VMAC: variants seen among roughly 807,000 people sequenced by gnomAD.
VMAC encodes the protein vimentin-type intermediate filament-associated coiled-coil protein.
A neutral mutation model predicts 4.8 loss-of-function variants in VMAC; 8 were observed. The ratio of observed to expected loss-of-function variants is 1.68; its 90% CI spans 0.99 to 3.03. The LOEUF (loss-of-function observed/expected upper bound fraction) is 3.03. Ranked by LOEUF, VMAC falls within the 30% of genes most tolerant of loss-of-function variation. The probability of loss-of-function intolerance (pLI) is 0.00; values close to 1 mark genes in which losing one functional copy is unlikely to be tolerated. For synonymous variants in VMAC, 96 were observed against 113.7 expected (o/e 0.84, Z 0.99); for missense variants, 248 against 245.1 (o/e 1.01, Z -0.08).
In VMAC at chr19:5,910,728, G is replaced by A. The variant is rs1284797372; in HGVS notation, c.*1586G>A. The A allele has an allele frequency of 6.6e-6, 1 of 150,726 alleles. No homozygotes were observed. The highest frequency in any genetic ancestry group is 1.5e-5 in the Non-Finnish European group (1 of 67,744). The allele number at this position is 150,726 out of a possible 1,614,324, so 9.3% of individuals were successfully genotyped here. A position where few individuals can be genotyped will look rare whatever the true frequency, so the allele number is the denominator to read the frequency against. ...AACAACAACAAACAGAGGCCCAGAG[G>A]TGTGAAGGGAACACACTCCGGGTCT... On this transcript the variant is annotated 3_prime_UTR_variant, in exon 2 of 2. Coordinates refer to ENST00000339485, the MANE Select transcript of VMAC (RefSeq NM_001017921.4).
At position 5,908,839 on chromosome 19, in the gene VMAC, C is replaced by G. The variant is rs116353040; in HGVS notation, c.207C>G (p.Leu69=). Residue 69 remains leucine (L), a synonymous_variant, in exon 2 of 2, where the codon CTC becomes CTG. Transcript: ENST00000339485. The surrounding 1 kb of genome is among the most constrained non-coding windows in gnomAD (Gnocchi z 4.5). ...TTCCTGCCAGTGAGATTGCCACACTCCAGGAGCAGCTGATGACCTCAGAAG... is the reference window on the plus strand; with the variant it reads ...TTCCTGCCAGTGAGATTGCCACACTGCAGGAGCAGCTGATGACCTCAGAAG... ...GRAKDREIAT[L]QEQLMTSEAT... The G allele has an allele frequency of 5.6e-6, 9 of 1,613,636 alleles. No homozygotes were observed. Among genetic ancestry groups the G allele is most frequent in the Non-Finnish European group, 7.6e-6 (9 of 1,179,952 alleles).
chr19:5,906,342 G>A (rs1199894924), intron 1 of VMAC, among the ~76,000 whole-genome samples: 2 of 152,238 alleles, frequency 1.3e-5, no homozygotes, highest in Non-Finnish European at 1.5e-5. Flanking sequence ...AGGGAGGTGG[G>A]AGGAGCTGGG....
intron 1 of VMAC, among the ~76,000 whole-genome samples, chr19:5,905,576 C>T (rs1401891203): frequency 6.6e-6 from 1 of 152,042 alleles, no homozygotes. Flanking sequence ...CCCGCCACCA[C>T]GCCCGGTCGA....
intron 1 of VMAC, among the ~76,000 whole-genome samples, chr19:5,907,356 A>G (rs142550011): frequency 1.3e-5 from 2 of 152,106 alleles, no homozygotes; most frequent in African/African-American, 4.8e-5. Context: ...TTTCCACCCA[A>G]ATGTCAGCTT....
Position 5,908,944 on chromosome 19 carries a change from G to A in VMAC, c.312G>A (p.Leu104=), listed in dbSNP as rs749266064. The A allele has an allele frequency of 5.7e-5, 92 of 1,613,494 alleles. No homozygotes were observed. The highest frequency in any genetic ancestry group is 7.6e-5 in the Non-Finnish European group (90 of 1,179,908). ...AGTTGCAGCCCCGGGCTGAGCTGCTGCAGGACATCTGCCGCCGCCGGCCAC... is the reference window on the plus strand; with the variant it reads ...AGTTGCAGCCCCGGGCTGAGCTGCTACAGGACATCTGCCGCCGCCGGCCAC... ...IRQLQPRAEL[L]QDICRRRPPL... is the part of the protein sequence containing the mutation. The change falls in exon 2 of 2, where the codon CTG becomes CTA. Residue 104 remains leucine (L), a synonymous_variant. Coordinates refer to ENST00000339485, the MANE Select transcript of VMAC (RefSeq NM_001017921.4). This position sits in a 1 kb window ranked among gnomAD's most constrained non-coding sequence, Gnocchi z 4.5.
At position 5,909,484 on chromosome 19, in the gene VMAC, G is replaced by T. The variant is rs1011618775; in HGVS notation, c.*342G>T. 108 of 184,848 alleles carry T rather than the reference G, an allele frequency of 5.8e-4. 2 individuals are homozygous for T. The East Asian group carries it at 0.013, about 22-fold the overall frequency. The allele number at this position is 184,848 out of a possible 1,614,324, so 11.5% of individuals were successfully genotyped here. ...GCCAGGGTGTGAGTTTCTGTTTTTT[G>T]TTTTTTTTTTTTTAAGACAGAGTCC... On this transcript the variant is annotated 3_prime_UTR_variant, in exon 2 of 2. Transcript: ENST00000339485.
intron 1 of VMAC, among the ~76,000 whole-genome samples, chr19:5,905,525 T>C (rs1244763593): frequency 4.6e-5 from 7 of 152,212 alleles, no homozygotes; most frequent in Non-Finnish European, 7.3e-5. Flanking sequence ...ATTCAAGCGA[T>C]TCTCCTGCCT....
At chr19:5,907,354 C>A (rs1428019148) in intron 1 of VMAC, among the ~76,000 whole-genome samples, 1 of 151,932 alleles carries the variant, frequency 6.6e-6, no homozygotes, top group Non-Finnish European at 1.5e-5. Context: ...TGTTTCCACC[C>A]AAATGTCAGC....
intron 1 of VMAC, among the ~76,000 whole-genome samples, chr19:5,905,568 C>G (rs532921128): frequency 1.3e-5 from 2 of 152,066 alleles, no homozygotes; most frequent in African/African-American, 2.4e-5. Context: ...TACAGGCGCC[C>G]GCCACCACGC....
At position 5,908,901 on chromosome 19, in the gene VMAC, G is replaced by T. The variant is rs1477652777; in HGVS notation, c.269G>T (p.Arg90Met). 7.4e-6 allele frequency: 12 copies of T among 1,613,968 alleles called. No homozygotes were observed. Among genetic ancestry groups the T allele is most frequent in the Non-Finnish European group, 9.3e-6 (11 of 1,179,988 alleles). The change falls in exon 2 of 2, where the codon AGG becomes ATG. Residue 90 changes from arginine to methionine, a missense_variant. Arg to Met is a moderately conservative substitution (Grantham distance 91). Coordinates refer to ENST00000339485, the MANE Select transcript of VMAC (RefSeq NM_001017921.4). This position sits in a 1 kb window ranked among gnomAD's most constrained non-coding sequence, Gnocchi z 4.5. ...AGCCTGCAGGCCACCGTGCACCAGA[G>T]GGACGAGCTCATTAGGCAGTTGCAG... ...VHSLQATVHQ[R>M]DELIRQLQPR...
intron 1 of VMAC, among the ~76,000 whole-genome samples, chr19:5,907,821 T>C (rs1424721711): frequency 2.0e-5 from 3 of 151,640 alleles, no homozygotes; most frequent in Admixed American, 6.6e-5. Context: ...TTATAAGGGA[T>C]TCCCCCTTTG....
At position 5,909,355 on chromosome 19, in the gene VMAC, T is replaced by A; in HGVS notation, c.*213T>A. 1.9e-6 allele frequency: 1 copy of A among 527,010 alleles called. No individual in the cohort carries two copies. The highest frequency in any genetic ancestry group is 3.2e-6 in the Non-Finnish European group (1 of 309,306). 32.6% of individuals were successfully genotyped at this position (527,010 alleles called of 1,614,324 possible). A position where few individuals can be genotyped will look rare whatever the true frequency, so the allele number is the denominator to read the frequency against. ...AAGTGTTCTTGTTTGTTTTTAAGCT[T>A]TGAATCAGTCACCCTTGCTAAAAAC... On this transcript the variant is annotated 3_prime_UTR_variant, in exon 2 of 2. Transcript: ENST00000339485.
At chr19:5,905,387 G>A (rs2057674896) in intron 1 of VMAC, among the ~76,000 whole-genome samples, 1 of 152,180 alleles carries the variant, frequency 6.6e-6, no homozygotes, top group Non-Finnish European at 1.5e-5. Flanking sequence ...AGCAGGGGAG[G>A]AGGGGATCAT....
chr19:5,907,090 G>A (rs1334887234), intron 1 of VMAC, among the ~76,000 whole-genome samples: 2 of 152,166 alleles, frequency 1.3e-5, no homozygotes, highest in Admixed American at 6.5e-5. Context: ...GTTTCTCAGC[G>A]TTCTGGAGGC....
In VMAC at chr19:5,909,117, C is replaced by G. The variant is rs1304009179; in HGVS notation, c.485C>G (p.Pro162Arg). 1.3e-6 allele frequency: 2 copies of G among 1,548,944 alleles called. No individual in the cohort carries two copies. The highest frequency in any genetic ancestry group is 1.4e-5 in the African/African-American group (1 of 73,458). ...GEEADRDHLQ[P>R]AVFGTTV The stretch of plus-strand genomic sequence containing the variant: ...GAGGCGGACAGGGACCACCTCCAGC[C>G]TGCAGTGTTTGGGACCACAGTGTGA... Residue 162 changes from proline (P) to arginine (R), a missense_variant, in exon 2 of 2, where the codon CCT (proline) becomes CGT (arginine). Physicochemically the swap from Pro to Arg is moderately radical, Grantham distance 103. Transcript: ENST00000339485.
In VMAC at chr19:5,909,613, G is replaced by T. The variant is rs2057691056; in HGVS notation, c.*471G>T. ...TCCTGTCTCATCCTTCAGAGTAGCT[G>T]GGATTACAGGCGCCCACCACCACAC... is the stretch of plus-strand genomic sequence containing the variant. On this transcript the variant is annotated 3_prime_UTR_variant, in exon 2 of 2. Coordinates refer to ENST00000339485, the MANE Select transcript of VMAC (RefSeq NM_001017921.4). The T allele has an allele frequency of 6.4e-6, 1 of 156,084 alleles. No individual in the cohort carries two copies. The highest frequency in any genetic ancestry group is 1.4e-5 in the Non-Finnish European group (1 of 70,934). 9.7% of individuals were successfully genotyped at this position (156,084 alleles called of 1,614,324 possible). A position where few individuals can be genotyped will look rare whatever the true frequency, so the allele number is the denominator to read the frequency against.
rs2057694718 is a variant in VMAC at position 5,910,679 on chromosome 19, AAC to A, written c.*1539_*1540del. The A allele has an allele frequency of 4.7e-5, 2 of 42,786 alleles. No individual in the cohort carries two copies. The highest frequency in any genetic ancestry group is 9.9e-5 in the Non-Finnish European group (2 of 20,304). The allele number at this position is 42,786 out of a possible 1,614,324, so 2.7% of individuals were successfully genotyped here. ...AGTGAGACTCAGTCTCAAAGAAAACAACAACAACAACAACAACAACAACAACA... is the reference window on the plus strand; with the variant it reads ...AGTGAGACTCAGTCTCAAAGAAAACAAACAACAACAACAACAACAACAACA... On this transcript the variant is annotated 3_prime_UTR_variant, in exon 2 of 2. Coordinates refer to ENST00000339485, the MANE Select transcript of VMAC (RefSeq NM_001017921.4).
At chr19:5,906,791 G>T (rs996755661) in intron 1 of VMAC, among the ~76,000 whole-genome samples, 20 of 152,358 alleles carry the variant, frequency 1.3e-4, no homozygotes, top group African/African-American at 4.3e-4. Flanking sequence ...TTGGAAGGCT[G>T]AGGCAGGCAG....
At position 5,909,030 on chromosome 19, in the gene VMAC, G is replaced by A; in HGVS notation, c.398G>A (p.Ser133Asn). 1.3e-6 allele frequency: 2 copies of A among 1,579,950 alleles called. No individual in the cohort carries two copies. The highest frequency in any genetic ancestry group is 1.7e-6 in the Non-Finnish European group (2 of 1,164,396). Residue 133 changes from serine (S) to asparagine (N), a missense_variant, in exon 2 of 2, where the codon AGT becomes AAT. Physicochemically the swap from Ser to Asn is conservative, Grantham distance 46 (BLOSUM62 1). Transcript: ENST00000339485. ...EAERLGPLPA[S>N]DPGHPPPGGP... ...GAGCGCCTGGGGCCCCTGCCGGCCA[G>A]TGACCCCGGCCACCCACCCCCCGGT... is the stretch of plus-strand genomic sequence containing the variant.
Sources: allele counts gnomAD v4.1 joint callset (sites outside exome capture counted in the v4.1 genomes callset), GRCh38; gene constraint gnomAD v4.1.1; non-coding constraint Gnocchi (gnomAD v3.1); transcripts MANE v1.5; gene names NCBI Gene and HGNC (gene_info 2026-07-23, HGNC 2026-07-21).